The following FARS2 variants were observed in gnomAD, a reference collection of about 807,000 sequenced individuals.
FARS2 encodes phenylalanine--tRNA ligase, mitochondrial.
Under a neutral mutation model 46.4 loss-of-function variants are expected in FARS2, and 40 were observed. That is an observed-to-expected ratio of 0.86 (90% CI 0.67 to 1.12). FARS2 has a LOEUF of 1.12. FARS2 is among the 50% of genes most tolerant of loss of function. FARS2 has a pLI of 0.00. For missense variants in FARS2, 513 were observed against 567.9 expected (o/e 0.90, Z 0.98); for synonymous variants, 234 against 214.9 (o/e 1.09, Z -0.78).
At chr6:5,407,061 A>ATG (rs1562017905) in intron 3 of FARS2, among the ~76,000 whole-genome samples, 1 of 141,174 alleles carries the variant, frequency 7.1e-6, no homozygotes, top group Non-Finnish European at 1.5e-5. Flanking sequence ...ATATATATAT[A>ATG]TATATAATGA....
intron 5 of FARS2, among the ~76,000 whole-genome samples, chr6:5,586,498 AT>A (rs1423105596): frequency 3.3e-5 from 5 of 151,990 alleles, no homozygotes; most frequent in Admixed American, 2.6e-4. Flanking sequence ...ACATTTATTG[AT>A]TTGTGTATGT....
At chr6:5,421,909 T>G (rs974980466) in intron 3 of FARS2, among the ~76,000 whole-genome samples, 1 of 152,194 alleles carries the variant, frequency 6.6e-6, no homozygotes, top group African/African-American at 2.4e-5. Flanking sequence ...TCTAACCTCT[T>G]CCTGTTACCC....
intron 3 of FARS2, among the ~76,000 whole-genome samples, chr6:5,410,073 T>C (rs73350576): frequency 0.079 from 12,059 of 152,068 alleles, 547 homozygotes; most frequent in East Asian, 0.11. Context: ...ATGCTCACAC[T>C]GAATGTTAAC....
chr6:5,354,552 T>G (rs1203325871), intron 1 of FARS2, among the ~76,000 whole-genome samples: 1 of 151,586 alleles, frequency 6.6e-6, no homozygotes, highest in African/African-American at 2.4e-5. Flanking sequence ...CTCACTCTGT[T>G]GCCCAGGCTG....
At chr6:5,550,071 A>G (rs1173089650) in intron 5 of FARS2, among the ~76,000 whole-genome samples, 1 of 152,136 alleles carries the variant, frequency 6.6e-6, no homozygotes, top group Non-Finnish European at 1.5e-5. Flanking sequence ...CCAAAATACA[A>G]TGAGTAGGAT....
intron 6 of FARS2, among the ~76,000 whole-genome samples, chr6:5,645,315 G>C (rs1329260974): frequency 6.6e-6 from 1 of 152,244 alleles, no homozygotes; most frequent in South Asian, 2.1e-4. Context: ...CTCTGGGCCA[G>C]TGCGTCTGTT....
At chr6:5,506,910 C>T (rs1768134202) in intron 4 of FARS2, among the ~76,000 whole-genome samples, 1 of 152,234 alleles carries the variant, frequency 6.6e-6, no homozygotes, top group South Asian at 2.1e-4. Flanking sequence ...GGCTAAGAGG[C>T]TAACCATATA....
At chr6:5,445,372 A>G (rs555765310) in intron 4 of FARS2, among the ~76,000 whole-genome samples, 2 of 152,276 alleles carry the variant, frequency 1.3e-5, no homozygotes, top group African/African-American at 4.8e-5. Context: ...TATTTATGGT[A>G]CTGTGGGGAT....
intron 4 of FARS2, among the ~76,000 whole-genome samples, chr6:5,474,351 C>T (rs1202300120): frequency 6.6e-6 from 1 of 152,028 alleles, no homozygotes; most frequent in Non-Finnish European, 1.5e-5. Context: ...ACTCACAGTC[C>T]CAAATTTTAT....
chr6:5,262,009 C>T (rs939317116), intron 1 of FARS2, among the ~76,000 whole-genome samples: 1 of 152,174 alleles, frequency 6.6e-6, no homozygotes, highest in South Asian at 2.1e-4. Flanking sequence ...GAAGCTTCAG[C>T]CAGTCCTAGT....
the FARS2 span, among the ~76,000 whole-genome samples, chr6:5,255,167 G>A: frequency 5.3e-4 from 80 of 152,252 alleles, no homozygotes; most frequent in African/African-American, 1.9e-3. Flanking sequence ...CCCTACAGTA[G>A]TTAGCCAAGG....
At position 5,343,556 on chromosome 6, in the gene FARS2, T is replaced by A. The variant is rs2127595356; in HGVS notation, c.-21-24994T>A. On this transcript the variant is annotated intron_variant, in intron 1 of 6. Coordinates refer to ENST00000274680, the MANE Select transcript of FARS2 (RefSeq NM_006567.5). The surrounding 1 kb of genome is among the most constrained non-coding windows in gnomAD (Gnocchi z 4.5). ...ATGTGTTTTAAAAGTGTGCATTCCATAACAGTTGGATATAAAAATATACAT... is the reference window on the plus strand; with the variant it reads ...ATGTGTTTTAAAAGTGTGCATTCCAAAACAGTTGGATATAAAAATATACAT... 6.6e-6 allele frequency among the ~76,000 whole-genome samples: 1 copy of A among 152,328 alleles called. No homozygotes were observed. The highest frequency in any genetic ancestry group is 1.5e-5 in the Non-Finnish European group (1 of 68,024).
At position 5,563,766 on chromosome 6, in the gene FARS2, G is replaced by T. The variant is rs147326089; in HGVS notation, c.1065+18426G>T. 1.4e-4 allele frequency among the ~76,000 whole-genome samples: 21 copies of T among 152,110 alleles called. 1 individual carries two copies. The highest frequency in any genetic ancestry group is 4.8e-4 in the African/African-American group (20 of 41,504). On this transcript the variant is annotated intron_variant, in intron 5 of 6. Coordinates refer to ENST00000274680, the MANE Select transcript of FARS2 (RefSeq NM_006567.5). ...TTGAGTTATAGTATGGAGTATACAGGGTCCAAATACCAATACAAGATATAT... is the reference window on the plus strand; with the variant it reads ...TTGAGTTATAGTATGGAGTATACAGTGTCCAAATACCAATACAAGATATAT...
At chr6:5,260,495 G>A (rs1397191020), upstream of FARS2, among the ~76,000 whole-genome samples, 1 of 152,266 alleles carries the variant, frequency 6.6e-6, no homozygotes, top group East Asian at 1.9e-4. Flanking sequence ...GTAGGCAGGA[G>A]CACGCTTTTC....
intron 5 of FARS2, among the ~76,000 whole-genome samples, chr6:5,585,944 C>G (rs1773591135): frequency 6.6e-6 from 1 of 152,086 alleles, no homozygotes; most frequent in Non-Finnish European, 1.5e-5. Context: ...ATTGCTAGAT[C>G]ATATGGTAGT....
intron 1 of FARS2, among the ~76,000 whole-genome samples, chr6:5,277,615 G>A (rs1177537745): frequency 6.6e-6 from 1 of 152,280 alleles, no homozygotes; most frequent in Admixed American, 6.5e-5. Context: ...AGGGCATAAA[G>A]GGTGCTGGCA....
intron 3 of FARS2, among the ~76,000 whole-genome samples, chr6:5,421,565 A>G (rs1371623314): frequency 6.6e-6 from 1 of 152,178 alleles, no homozygotes; most frequent in Non-Finnish European, 1.5e-5. Flanking sequence ...TTCCTTATAA[A>G]GCCAAATGCC....
At chr6:5,649,504 G>A (rs1561776665) in intron 6 of FARS2, among the ~76,000 whole-genome samples, 1 of 152,186 alleles carries the variant, frequency 6.6e-6, no homozygotes, top group Admixed American at 6.5e-5. Flanking sequence ...GAGGGTGCAG[G>A]CTGCTGGGGG....
chr6:5,759,553 A>T lies in FARS2; in HGVS notation c.1218-11738A>T, dbSNP rs988810552. Among the ~76,000 whole-genome samples, 7 of 152,166 alleles carry T rather than the reference A, an allele frequency of 4.6e-5. 1 individual carries two copies. The South Asian group carries it at 1.4e-3, about 31-fold the overall frequency. On this transcript the variant is annotated intron_variant, in intron 6 of 6. Coordinates refer to ENST00000274680, the MANE Select transcript of FARS2 (RefSeq NM_006567.5). ...ATGAATAAATGAATTGAGTGGATGCATGAATGGGGACAGTGATGTTAAACA... is the reference window on the plus strand; with the variant it reads ...ATGAATAAATGAATTGAGTGGATGCTTGAATGGGGACAGTGATGTTAAACA...
Sources: allele counts gnomAD v4.1 joint callset (sites outside exome capture counted in the v4.1 genomes callset), GRCh38; gene constraint gnomAD v4.1.1; non-coding constraint Gnocchi (gnomAD v3.1); transcripts MANE v1.5; gene names NCBI Gene and HGNC (gene_info 2026-07-23, HGNC 2026-07-21).